The following TECTA variants were observed in gnomAD, a reference collection of about 807,000 sequenced individuals.
TECTA encodes tectorin alpha.
A neutral mutation model predicts 216.8 loss-of-function variants in TECTA; 128 were observed. The ratio of observed to expected loss-of-function variants is 0.59; its 90% CI spans 0.51 to 0.68. The LOEUF is 0.68. Ranked by LOEUF, TECTA falls within the 30% of genes least tolerant of loss-of-function variation. TECTA has a pLI of 0.00. For missense variants in TECTA, 2,551 were observed against 2,786.2 expected (o/e 0.92, Z 1.90); for synonymous variants, 1,089 against 1,117.1 (o/e 0.97, Z 0.50).
intron 10 of TECTA, among the ~76,000 whole-genome samples, chr11:121,133,033 G>A (rs7120718): frequency 0.014 from 2,136 of 152,256 alleles, 53 homozygotes; most frequent in African/African-American, 0.049. Context: ...CGCCCGGCCA[G>A]TTTTCCATTT....
intron 13 of TECTA, among the ~76,000 whole-genome samples, chr11:121,154,956 G>C (rs1946926615): frequency 6.6e-6 from 1 of 152,176 alleles, no homozygotes; most frequent in Admixed American, 6.5e-5. Flanking sequence ...GTCAGCTCTT[G>C]GCTGCTATTA....
intron 20 of TECTA, among the ~76,000 whole-genome samples, chr11:121,178,519 T>TGTGC (rs1947193004): frequency 1.7e-5 from 2 of 120,464 alleles, no homozygotes; most frequent in African/African-American, 8.6e-5. Flanking sequence ...TTGTAGTTAG[T>TGTGC]GTGTGTGTGT....
rs1211053493 is a variant in TECTA, at chr11:121,130,038, T to A, written c.2768T>A (p.Phe923Tyr). 1 of 1,613,526 alleles carries A rather than the reference T, an allele frequency of 6.2e-7. No homozygotes were observed. The highest frequency in any genetic ancestry group is 1.7e-5 in the Admixed American group (1 of 59,990). The part of the protein sequence containing the change: ...GIINDPSNSS[F>Y]LECHGVVNVT... The stretch of plus-strand genomic sequence containing the variant: ...ATCAACGACCCCTCCAACAGCTCCT[T>A]CCTGGAGTGCCATGGGGTGGTGAAC... Residue 923 changes from phenylalanine (F) to tyrosine (Y), a missense_variant, in exon 10 of 24, where the codon TTC becomes TAC. Around this residue, in one of 3 missense-constraint regions of TECTA, gnomAD observed 2,375 missense variants for 2,563.9 expected, o/e 0.93. Transcript: ENST00000392793.
chr11:121,164,492 G>A lies in TECTA; in HGVS notation c.5273-781G>A, dbSNP rs138653720. On this transcript the variant is annotated intron_variant, in intron 16 of 23. Transcript: ENST00000392793. ...ATCTAAAAGACAATGCTCCTAATTAGTGGTTCTCAGACCGAGGCGTTGACT... is the reference window on the plus strand; with the variant it reads ...ATCTAAAAGACAATGCTCCTAATTAATGGTTCTCAGACCGAGGCGTTGACT... Among the ~76,000 whole-genome samples, 880 of 152,264 alleles carry A rather than the reference G, an allele frequency of 5.8e-3. 6 individuals carry two copies. Among genetic ancestry groups the A allele is most frequent in the Middle Eastern group, 0.044 (13 of 294 alleles).
chr11:121,158,826 C>A (rs965861587), intron 14 of TECTA, among the ~76,000 whole-genome samples: 1 of 152,162 alleles, frequency 6.6e-6, no homozygotes, highest in Non-Finnish European at 1.5e-5. Flanking sequence ...TTATCTTACA[C>A]CTGTGTGTAA....
intron 20 of TECTA, 49 bp from the exon 21 acceptor site, chr11:121,187,783 G>A (rs1237116580): frequency 1.2e-6 from 2 of 1,607,996 alleles, no homozygotes; most frequent in Non-Finnish European, 1.7e-6. Context: ...GGATTAAGGT[G>A]TAAGAGGAAA....
intron 20 of TECTA, 57 bp downstream of exon 20, chr11:121,168,982 A>G: frequency 6.2e-7 from 1 of 1,612,864 alleles, no homozygotes. Context: ...TATTGTCCTC[A>G]TCATTTTTTA....
chr11:121,165,467 T>TGTGAAGCTTTCCCAAATA, intron 17 of TECTA, 84 bp downstream of exon 17: 1 of 1,144,934 alleles, frequency 8.7e-7, no homozygotes. Context: ...CATCCCACTT[T>TGTGAAGCTTTCCCAAATA]GTGAAGCTTT....
In TECTA at chr11:121,102,665, G is replaced by A; in HGVS notation, c.-1G>A. 1.9e-6 allele frequency: 3 copies of A among 1,612,652 alleles called. No individual in the cohort carries two copies. Among genetic ancestry groups the A allele is most frequent in the Non-Finnish European group, 2.5e-6 (3 of 1,178,890 alleles). ...TTTCATTTTCTTTTTAAAATTCCAGGATGAATTATTCATCATTCCTTAGAA... is the reference window on the plus strand; with the variant it reads ...TTTCATTTTCTTTTTAAAATTCCAGAATGAATTATTCATCATTCCTTAGAA... On this transcript the variant is annotated splice_region_variant and 5_prime_UTR_variant, in exon 2 of 24. Coordinates refer to ENST00000392793, the MANE Select transcript of TECTA (RefSeq NM_005422.4).
rs1216336175 is a variant in TECTA, at chr11:121,152,989, G to A, written c.4214G>A (p.Gly1405Asp). 1.2e-6 allele frequency: 2 copies of A among 1,614,194 alleles called. No individual in the cohort carries two copies. Among genetic ancestry groups the A allele is most frequent in the Non-Finnish European group, 1.7e-6 (2 of 1,180,044 alleles). ...KSDCSHYCVE[G>D]CHCDAGYVLN... The stretch of plus-strand genomic sequence containing the variant: ...GACTGCAGCCACTACTGCGTGGAGG[G>A]CTGTCACTGCGACGCTGGCTACGTC... Residue 1405 changes from glycine to aspartate, a missense_variant, in exon 13 of 24, where the codon GGC (glycine) becomes GAC (aspartate). Gly to Asp is a moderately conservative substitution (Grantham distance 94). Around this residue, in one of 3 missense-constraint regions of TECTA, gnomAD observed 2,375 missense variants for 2,563.9 expected, o/e 0.93. Coordinates refer to ENST00000392793, the MANE Select transcript of TECTA (RefSeq NM_005422.4).
At chr11:121,141,554 C>T (rs1457027631) in intron 11 of TECTA, among the ~76,000 whole-genome samples, 1 of 152,204 alleles carries the variant, frequency 6.6e-6, no homozygotes, top group Non-Finnish European at 1.5e-5. Context: ...ACCGCCATAG[C>T]CCATCTCAGC....
In TECTA at chr11:121,128,130, AC is replaced by A; in HGVS notation, c.2155del (p.Gln719ArgfsTer22). The A allele has an allele frequency of 6.2e-7, 1 of 1,612,982 alleles. No homozygotes were observed. The highest frequency in any genetic ancestry group is 1.1e-5 in the South Asian group (1 of 91,084). On this transcript the variant is annotated frameshift_variant, in exon 9 of 24. Transcript: ENST00000392793. LOFTEE classifies it high-confidence loss of function. ...GAGACCGTGTGCCTGCTCAGCCAGA[AC>A]CAGGTGCTGCACACCTTTGACGGCG... ...KRETVCLLSQ[N>X]QVLHTFDGAS...
rs140534420 is a variant in TECTA, at chr11:121,128,276, C to T, written c.2299C>T (p.Arg767Trp). ...GCCCGATGCAGGACCTGCTTGGCTG[C>T]GGGGACTTCGGATCCTGGTGGCCGA... The part of the protein sequence containing the change: ...KKPDAGPAWL[R>W]GLRILVADQE... Residue 767 changes from arginine to tryptophan, a missense_variant, in exon 9 of 24, where the codon CGG becomes TGG. Around this residue, in one of 3 missense-constraint regions of TECTA, gnomAD observed 2,375 missense variants for 2,563.9 expected, o/e 0.93. Transcript: ENST00000392793. The T allele has an allele frequency of 1.8e-5, 29 of 1,599,780 alleles. No individual in the cohort carries two copies. Among genetic ancestry groups the T allele is most frequent in the African/African-American group, 2.7e-5 (2 of 75,020 alleles).
At chr11:121,133,401 C>A (rs1413562698) in intron 10 of TECTA, among the ~76,000 whole-genome samples, 1 of 152,140 alleles carries the variant, frequency 6.6e-6, no homozygotes, top group African/African-American at 2.4e-5. Context: ...AATTTAACAT[C>A]CATATTCCAA....
In TECTA at chr11:121,109,432, T is replaced by C. The variant is rs141090151; in HGVS notation, c.420T>C (p.Ser140=). ...RKYFKDMATF[S]ATWVFIVTWE... ...ACTTCAAAGACATGGCAACCTTCTC[T>C]GCCACTTGGGTTTTCATTGTGACAT... Residue 140 remains serine, a synonymous_variant, in exon 4 of 24, where the codon TCT becomes TCC. Coordinates refer to ENST00000392793, the MANE Select transcript of TECTA (RefSeq NM_005422.4). The C allele has an allele frequency of 2.5e-4, 408 of 1,614,210 alleles. 2 individuals are homozygous for C. Among genetic ancestry groups the C allele is most frequent in the East Asian group, 5.8e-4 (26 of 44,890 alleles).
At chr11:121,111,264 G>A (rs1205650214) in intron 4 of TECTA, among the ~76,000 whole-genome samples, 3 of 152,172 alleles carry the variant, frequency 2.0e-5, no homozygotes, top group South Asian at 2.1e-4. Flanking sequence ...GGAACAGGCC[G>A]GGAGAGGCCA....
At chr11:121,188,083 G>A in intron 21 of TECTA, 89 bp downstream of exon 21, 1 of 1,436,210 alleles carries the variant, frequency 7.0e-7, no homozygotes, top group Non-Finnish European at 9.7e-7. Context: ...CAGGTGACCG[G>A]ACTGGAATCA....
chr11:121,121,202 T>A (rs2135071489), intron 7 of TECTA, among the ~76,000 whole-genome samples: 1 of 152,324 alleles, frequency 6.6e-6, no homozygotes, highest in East Asian at 1.9e-4. Context: ...CAGGGCAATG[T>A]CCAGTACAAA....
chr11:121,119,920 G>A lies in TECTA; in HGVS notation c.1203+1202G>A, dbSNP rs117110992. Among the ~76,000 whole-genome samples the A allele has an allele frequency of 9.6e-3, 1,458 of 152,266 alleles. 24 individuals are homozygous for A. The highest frequency in any genetic ancestry group is 0.012 in the Non-Finnish European group (794 of 68,018). ...GGACAACTCTGTATATCAAATCAAG[G>A]CTAAGAGTTTAGATATAGAAATTTG... On this transcript the variant is annotated intron_variant, in intron 7 of 23. Coordinates refer to ENST00000392793, the MANE Select transcript of TECTA (RefSeq NM_005422.4).
Sources: gnomAD v4.1 joint callset for allele counts (sites outside exome capture counted in the v4.1 genomes callset) on GRCh38, gnomAD v4.1.1 for gene constraint, gnomAD v4.1.1 regional missense constraint, MANE v1.5 for transcripts, NCBI Gene and HGNC (gene_info 2026-07-23, HGNC 2026-07-21) for gene names.